Variants in ADAMTSL3 observed in about 807,000 individuals in gnomAD.
ADAMTSL3 encodes the protein ADAMTS-like protein 3.
ADAMTSL3 carries 128 observed loss-of-function variants against 201.7 expected under a neutral mutation model. That is an observed-to-expected ratio of 0.63 (90% confidence interval 0.55 to 0.73). The LOEUF (loss-of-function observed/expected upper bound fraction) is 0.73. Among genes scored for constraint, ADAMTSL3 ranks in the 30% least tolerant of loss-of-function variants. The pLI is 0.00. For missense variants in ADAMTSL3, 1,990 were observed against 2,119.6 expected (o/e 0.94, Z 1.20); for synonymous variants, 738 against 748.4 (o/e 0.99, Z 0.23).
At chr15:83,723,180 A>C (rs1054409884) in intron 3 of ADAMTSL3, among the ~76,000 whole-genome samples, 1 of 152,240 alleles carries the variant, frequency 6.6e-6, no homozygotes, top group Admixed American at 6.5e-5. Flanking sequence ...GTGACTGGTT[A>C]ATAATCATAT....
chr15:84,011,719 A>G (rs1171060803), intron 23 of ADAMTSL3, among the ~76,000 whole-genome samples: 1 of 152,228 alleles, frequency 6.6e-6, no homozygotes, highest in East Asian at 1.9e-4. Flanking sequence ...AATTAGAAAA[A>G]CTATTCAAAA....
intron 4 of ADAMTSL3, among the ~76,000 whole-genome samples, chr15:83,795,368 G>C (rs2063409104): frequency 6.6e-6 from 1 of 152,164 alleles, no homozygotes; most frequent in African/African-American, 2.4e-5. Flanking sequence ...TGCCAGACTA[G>C]TAAGTGCATA....
intron 17 of ADAMTSL3, among the ~76,000 whole-genome samples, chr15:83,931,197 G>C (rs1412108831): frequency 6.6e-6 from 1 of 152,162 alleles, no homozygotes; most frequent in African/African-American, 2.4e-5. Flanking sequence ...TCTCTAACAG[G>C]ATTCAACACT....
At chr15:83,929,662 C>T (rs1030034940) in intron 17 of ADAMTSL3, among the ~76,000 whole-genome samples, 2 of 151,450 alleles carry the variant, frequency 1.3e-5, no homozygotes, top group Non-Finnish European at 2.9e-5. Context: ...TCTTAAACCA[C>T]ATCTCCTGTC....
chr15:83,823,893 CTCTTCTTCTTCTTCT>C (rs759090787), intron 6 of ADAMTSL3, among the ~76,000 whole-genome samples: 4,811 of 92,898 alleles, frequency 0.052, 211 homozygotes, highest in Non-Finnish European at 0.06. Context: ...CTTCTTCTTC[CTCTTCTTCTTCTTCT>C]TCTTCTTCTT....
intron 7 of ADAMTSL3, among the ~76,000 whole-genome samples, chr15:83,838,629 C>G (rs1336218182): frequency 6.6e-6 from 1 of 152,160 alleles, no homozygotes. Context: ...GGATGTAGAT[C>G]TTTTCCTCAT....
chr15:83,950,490 G>A (rs1334059380), intron 19 of ADAMTSL3, among the ~76,000 whole-genome samples: 2 of 151,912 alleles, frequency 1.3e-5, no homozygotes, highest in South Asian at 2.1e-4. Context: ...GGCTATTCTG[G>A]GTCTTTTGTT....
intron 8 of ADAMTSL3, among the ~76,000 whole-genome samples, chr15:83,866,162 A>G (rs911829475): frequency 3.3e-5 from 5 of 152,202 alleles, no homozygotes; most frequent in Admixed American, 1.3e-4. Flanking sequence ...CTGTTGGTGG[A>G]ACTGTAAACT....
intron 17 of ADAMTSL3, among the ~76,000 whole-genome samples, chr15:83,934,552 G>T (rs970101831): frequency 3.4e-4 from 52 of 152,164 alleles, no homozygotes; most frequent in African/African-American, 1.2e-3. Flanking sequence ...CTGTGGGAAG[G>T]CATGATTGGT....
intron 19 of ADAMTSL3, among the ~76,000 whole-genome samples, chr15:83,966,488 A>C (rs55854617): frequency 0.013 from 2,051 of 152,296 alleles, 60 homozygotes; most frequent in African/African-American, 0.047. Context: ...GAAGAAGTCA[A>C]ATTCCTGAAT....
intron 2 of ADAMTSL3, among the ~76,000 whole-genome samples, chr15:83,690,338 C>T (rs1004277333): frequency 6.6e-6 from 1 of 152,174 alleles, no homozygotes; most frequent in African/African-American, 2.4e-5. Context: ...ATGCCTACCT[C>T]TCCAACTTCT....
At chr15:83,719,613 T>C (rs930280135) in intron 3 of ADAMTSL3, among the ~76,000 whole-genome samples, 2 of 151,860 alleles carry the variant, frequency 1.3e-5, no homozygotes, top group Admixed American at 6.6e-5. Flanking sequence ...ATAGTGGGAG[T>C]GGGTGAGTAG....
rs773346356 is a variant in ADAMTSL3 at position 83,982,683 on chromosome 15, G to C, written c.3055G>C (p.Asp1019His). 2 of 1,614,036 alleles carry C rather than the reference G, an allele frequency of 1.2e-6. No homozygotes were observed. The highest frequency in any genetic ancestry group is 2.2e-5 in the South Asian group (2 of 91,084). ...REPMREYPGMDHSEANSLGVT... is the reference protein window; with the variant it reads ...REPMREYPGMHHSEANSLGVT... ...GCCTATGAGGGAATATCCTGGGATGGACCACAGCGAAGCCAATAGTTTGGG... is the reference window on the plus strand; with the variant it reads ...GCCTATGAGGGAATATCCTGGGATGCACCACAGCGAAGCCAATAGTTTGGG... The change falls in exon 21 of 30, where the codon GAC becomes CAC. Residue 1019 changes from aspartate to histidine, a missense_variant. Physicochemically the swap from Asp to His is moderately conservative, Grantham distance 81 (BLOSUM62 -1). Coordinates refer to ENST00000286744, the MANE Select transcript of ADAMTSL3 (RefSeq NM_207517.3).
At chr15:83,919,335 G>A (rs894942208) in intron 16 of ADAMTSL3, among the ~76,000 whole-genome samples, 4 of 152,128 alleles carry the variant, frequency 2.6e-5, no homozygotes, top group Admixed American at 6.6e-5. Context: ...ACACTAAGCC[G>A]CAAAAGTCTA....
chr15:83,779,469 TG>T (rs1231555220), intron 4 of ADAMTSL3, among the ~76,000 whole-genome samples: 1 of 151,178 alleles, frequency 6.6e-6, no homozygotes, highest in Non-Finnish European at 1.5e-5. Flanking sequence ...GAGGCCGAGG[TG>T]GGAGGATCAC....
chr15:83,919,007 G>A (rs1428348964), intron 16 of ADAMTSL3, among the ~76,000 whole-genome samples: 1 of 152,114 alleles, frequency 6.6e-6, no homozygotes, highest in Non-Finnish European at 1.5e-5. Flanking sequence ...GTGATGGCAA[G>A]TCTGAGTCCT....
At chr15:83,664,933 C>G (rs1429738126) in intron 2 of ADAMTSL3, among the ~76,000 whole-genome samples, 2 of 152,116 alleles carry the variant, frequency 1.3e-5, no homozygotes, top group Non-Finnish European at 2.9e-5. Flanking sequence ...CTGGGGACGA[C>G]CTTGAAGAGC....
At chr15:83,720,719 T>G (rs555141081) in intron 3 of ADAMTSL3, among the ~76,000 whole-genome samples, 51 of 152,364 alleles carry the variant, frequency 3.3e-4, no homozygotes, top group African/African-American at 1.0e-3. Context: ...AGTGAAACTG[T>G]GTTACCATTA....
Position 83,943,040 on chromosome 15 carries a change from G to A in ADAMTSL3, c.2448G>A (p.Arg816=), listed in dbSNP as rs1338606215. 2 of 1,613,858 alleles carry A rather than the reference G, an allele frequency of 1.2e-6. No homozygotes were observed. Among genetic ancestry groups the A allele is most frequent in the Non-Finnish European group, 1.7e-6 (2 of 1,179,918 alleles). ...CATCGTCTCACAAGTCCTGTGCCAGGACAGACTGTCCTCCACATTTAGCTG... is the reference window on the plus strand; with the variant it reads ...CATCGTCTCACAAGTCCTGTGCCAGAACAGACTGTCCTCCACATTTAGCTG... ...PKASSHKSCA[R]TDCPPHLAVG... Residue 816 remains arginine, a synonymous_variant, in exon 19 of 30, where the codon AGG becomes AGA. Coordinates refer to ENST00000286744, the MANE Select transcript of ADAMTSL3 (RefSeq NM_207517.3).
Sources: allele counts gnomAD v4.1 joint callset (sites outside exome capture counted in the v4.1 genomes callset), GRCh38; gene constraint gnomAD v4.1.1; transcripts MANE v1.5; gene names NCBI Gene and HGNC (gene_info 2026-07-23, HGNC 2026-07-21).